The following GLIS1 variants were observed in gnomAD, a reference collection of about 807,000 sequenced individuals.
The protein encoded by GLIS1 is zinc finger protein GLIS1.
A neutral mutation model predicts 63.8 loss-of-function variants in GLIS1; 24 were observed. The observed-to-expected ratio is 0.38, with a 90% confidence interval of 0.27 to 0.53. The LOEUF is 0.53. GLIS1 is among the 20% of genes least tolerant of loss of function. The pLI, the probability that GLIS1 is intolerant of heterozygous loss-of-function variation, is 0.85. For missense variants in GLIS1, 1,036 were observed against 1,074.1 expected (o/e 0.96, Z 0.50); for synonymous variants, 450 against 482.5 (o/e 0.93, Z 0.88).
intron 4 of GLIS1, among the ~76,000 whole-genome samples, chr1:53,579,355 C>T (rs1052435630): frequency 1.3e-5 from 2 of 152,216 alleles, no homozygotes. Flanking sequence ...AGCATTCTCA[C>T]GACCGTGCCA....
chr1:53,652,693 C>T (rs567302986), intron 2 of GLIS1, among the ~76,000 whole-genome samples: 107 of 152,176 alleles, frequency 7.0e-4, no homozygotes, highest in African/African-American at 2.5e-3. Context: ...ATGTGTTTCC[C>T]GAGGCTCCTC....
At chr1:53,518,466 C>T (rs566509020) in intron 7 of GLIS1, among the ~76,000 whole-genome samples, 1 of 152,152 alleles carries the variant, frequency 6.6e-6, no homozygotes, top group Non-Finnish European at 1.5e-5. Context: ...GTAAGGTGGA[C>T]GAGTACATAG....
intron 2 of GLIS1, among the ~76,000 whole-genome samples, chr1:53,733,718 C>G (rs971565446): frequency 2.0e-5 from 3 of 152,182 alleles, no homozygotes; most frequent in African/African-American, 7.2e-5. Context: ...ACTTGTTTCT[C>G]TTTGTCTCAC....
chr1:53,565,058 AC>A (rs1469913355), intron 4 of GLIS1, among the ~76,000 whole-genome samples: 6 of 152,084 alleles, frequency 3.9e-5, no homozygotes, highest in African/African-American at 1.2e-4. Context: ...TTCTCCAATT[AC>A]AGTAAAATTA....
intron 6 of GLIS1, among the ~76,000 whole-genome samples, chr1:53,523,336 C>T (rs1464340314): frequency 6.6e-6 from 1 of 152,086 alleles, no homozygotes; most frequent in Non-Finnish European, 1.5e-5. Flanking sequence ...CTGGCGGTCC[C>T]CTCCCATCTT....
intron 2 of GLIS1, among the ~76,000 whole-genome samples, chr1:53,689,458 G>C (rs777277286): frequency 1.3e-5 from 2 of 151,998 alleles, no homozygotes; most frequent in Non-Finnish European, 2.9e-5. Flanking sequence ...GTTGAGTCCC[G>C]TGTATCTTCC....
chr1:53,678,186 C>A (rs1458894338), intron 2 of GLIS1, among the ~76,000 whole-genome samples: 1 of 152,108 alleles, frequency 6.6e-6, no homozygotes, highest in Non-Finnish European at 1.5e-5. Context: ...AACAGATGTC[C>A]CCTGAGGTGC....
At chr1:53,653,140 G>A (rs1296929428) in intron 2 of GLIS1, among the ~76,000 whole-genome samples, 1 of 152,214 alleles carries the variant, frequency 6.6e-6, no homozygotes, top group East Asian at 1.9e-4. Flanking sequence ...AAGTGCAGAG[G>A]TCCTGAGCAC....
intron 3 of GLIS1, 147 bp from the exon 4 acceptor site, chr1:53,595,137 A>G: frequency 1.7e-6 from 1 of 577,174 alleles, no homozygotes; most frequent in Non-Finnish European, 2.7e-6. Context: ...GCAGAGAAAG[A>G]GCACCTACAG....
chr1:53,615,763 T>C (rs926484430), intron 2 of GLIS1, among the ~76,000 whole-genome samples: 3 of 149,832 alleles, frequency 2.0e-5, no homozygotes, highest in African/African-American at 7.3e-5. Context: ...TTTATTTTTT[T>C]TGGAGACAGA....
chr1:53,720,612 C>T (rs574630463), intron 2 of GLIS1, among the ~76,000 whole-genome samples: 3 of 152,002 alleles, frequency 2.0e-5, no homozygotes, highest in Non-Finnish European at 4.4e-5. Context: ...AGTAATAGTA[C>T]AAAATAGCTG....
intron 2 of GLIS1, among the ~76,000 whole-genome samples, chr1:53,632,115 GGT>G (rs1204019721): frequency 6.6e-6 from 1 of 151,244 alleles, no homozygotes; most frequent in Non-Finnish European, 1.5e-5. Context: ...GTGACTGAGG[GGT>G]GTGTGAATGA....
rs183639664 is a variant in GLIS1, at chr1:53,628,813, C to T, written c.260-28535G>A. Among the ~76,000 whole-genome samples, 62 of 152,150 alleles carry T rather than the reference C, an allele frequency of 4.1e-4. 1 individual carries two copies. The highest frequency in any genetic ancestry group is 1.2e-3 in the South Asian group (6 of 4,804). On this transcript the variant is annotated intron_variant, in intron 2 of 10. Coordinates refer to ENST00000628545, the MANE Select transcript of GLIS1 (RefSeq NM_001367484.1). ...ACAACCAAAGGCTACAATATAGGGA[C>T]GGGAAACAGCACCCTGAGAGGTCAG... is the stretch of plus-strand genomic sequence containing the variant.
chr1:53,559,479 G>A (rs1160342256), intron 4 of GLIS1, among the ~76,000 whole-genome samples: 1 of 152,180 alleles, frequency 6.6e-6, no homozygotes, highest in Non-Finnish European at 1.5e-5. Context: ...TTCCGAGCCT[G>A]CTCGGCCCCT....
Position 53,506,452 on chromosome 1 carries a change from C to G in GLIS1, c.*167G>C. On this transcript the variant is annotated 3_prime_UTR_variant, in exon 11 of 11. Coordinates refer to ENST00000628545, the MANE Select transcript of GLIS1 (RefSeq NM_001367484.1). ...CCCAGCTCAAGCTCGGATGGCGGCT[C>G]CCTGGCAGCGCTGGGTGGGGTGGCA... 1 of 679,250 alleles carries G rather than the reference C, an allele frequency of 1.5e-6. No homozygotes were observed. The highest frequency in any genetic ancestry group is 2.7e-5 in the East Asian group (1 of 36,560). 42.1% of individuals were successfully genotyped at this position (679,250 alleles called of 1,614,324 possible). A position where few individuals can be genotyped will look rare whatever the true frequency, so the allele number is the denominator to read the frequency against.
At chr1:53,683,560 T>C (rs1646299560) in intron 2 of GLIS1, among the ~76,000 whole-genome samples, 1 of 152,110 alleles carries the variant, frequency 6.6e-6, no homozygotes, top group Admixed American at 6.5e-5. Context: ...CACGAGATCA[T>C]CCACATAAAT....
At chr1:53,729,028 G>C (rs971874009) in intron 2 of GLIS1, among the ~76,000 whole-genome samples, 1 of 152,194 alleles carries the variant, frequency 6.6e-6, no homozygotes, top group African/African-American at 2.4e-5. Flanking sequence ...CTACTTAAAA[G>C]AGCTCTTGAA....
intron 6 of GLIS1, among the ~76,000 whole-genome samples, chr1:53,522,731 A>G (rs1242658939): frequency 6.6e-6 from 1 of 152,078 alleles, no homozygotes; most frequent in Non-Finnish European, 1.5e-5. Context: ...CAACAAAGTG[A>G]AACCTCTATC....
At position 53,594,750 on chromosome 1, in the gene GLIS1, G is replaced by A; in HGVS notation, c.678C>T (p.Leu226=). The A allele has an allele frequency of 1.3e-6, 2 of 1,585,826 alleles. No individual in the cohort carries two copies. The highest frequency in any genetic ancestry group is 1.7e-6 in the Non-Finnish European group (2 of 1,166,988). ...CCTCGGGGAGGTGGGTCTCGGGCTG[G>A]AGGCCCAGGCCAGAGCTGGGTTCGC... ...LGSEPSSGLG[L]QPETHLPEGS... The change falls in exon 4 of 11, where the codon CTC becomes CTT. Residue 226 remains leucine (L), a synonymous_variant. Transcript: ENST00000628545.
Sources: gnomAD v4.1 joint callset for allele counts (sites outside exome capture counted in the v4.1 genomes callset) on GRCh38, gnomAD v4.1.1 for gene constraint, MANE v1.5 for transcripts, NCBI Gene and HGNC (gene_info 2026-07-23, HGNC 2026-07-21) for gene names.